Variants in HDGFL3 observed in about 807,000 individuals in gnomAD.
The protein encoded by HDGFL3 is hepatoma-derived growth factor-related protein 3.
Under a neutral mutation model 27.6 loss-of-function variants are expected in HDGFL3, and 6 were observed. That is an observed-to-expected ratio of 0.22 (90% confidence interval 0.12 to 0.43). The LOEUF (loss-of-function observed/expected upper bound fraction) is 0.43. HDGFL3 is among the 20% of genes least tolerant of loss of function. The probability of loss-of-function intolerance (pLI) is 1.00; values close to 1 mark genes in which losing one functional copy is unlikely to be tolerated. For missense variants in HDGFL3, 207 were observed against 250.1 expected (o/e 0.83, Z 1.16); for synonymous variants, 88 against 88.9 (o/e 0.99, Z 0.05).
chr15:83,115,842 T>G, intron 3 of HDGFL3: 5 of 1,610,074 alleles, frequency 3.1e-6, no homozygotes, highest in Non-Finnish European at 3.4e-6. Context: ...TTCTTTGCTC[T>G]AGTGTATGCA....
At chr15:83,200,311 C>T (rs58006707) in intron 1 of HDGFL3, among the ~76,000 whole-genome samples, 2 of 149,418 alleles carry the variant, frequency 1.3e-5, no homozygotes, top group African/African-American at 2.5e-5. Flanking sequence ...CTCCAGCCTT[C>T]ATGACAGAGC....
chr15:83,168,202 T>G (rs941968804), intron 1 of HDGFL3, among the ~76,000 whole-genome samples: 2 of 152,048 alleles, frequency 1.3e-5, no homozygotes, highest in African/African-American at 2.4e-5. Context: ...AACCTTAAAA[T>G]ACTAGAAAGA....
At chr15:83,201,748 G>C (rs550475731) in intron 1 of HDGFL3, among the ~76,000 whole-genome samples, 1 of 152,122 alleles carries the variant, frequency 6.6e-6, no homozygotes. Flanking sequence ...GATGTGCCAG[G>C]AATAGAGACT....
At chr15:83,121,548 T>C (rs1197842623) in intron 3 of HDGFL3, among the ~76,000 whole-genome samples, 3 of 152,228 alleles carry the variant, frequency 2.0e-5, no homozygotes, top group East Asian at 1.9e-4. Flanking sequence ...CTCATACTTA[T>C]AATGATTAAA....
At chr15:83,160,755 T>C (rs536126204) in intron 2 of HDGFL3, among the ~76,000 whole-genome samples, 23 of 152,296 alleles carry the variant, frequency 1.5e-4, no homozygotes, top group African/African-American at 5.3e-4. Flanking sequence ...CAGTTTACTA[T>C]TGATCTCTGT....
chr15:83,200,230 T>C (rs1347272417), intron 1 of HDGFL3, among the ~76,000 whole-genome samples: 1 of 149,872 alleles, frequency 6.7e-6, no homozygotes, highest in African/African-American at 2.5e-5. Flanking sequence ...CCTGTAGTCC[T>C]AGCTACTCGG....
At chr15:83,149,340 T>C (rs1381131568) in intron 5 of HDGFL3, among the ~76,000 whole-genome samples, 1 of 152,228 alleles carries the variant, frequency 6.6e-6, no homozygotes, top group Admixed American at 6.5e-5. Flanking sequence ...GAACAATGAA[T>C]CTACAATGCA....
At chr15:83,181,875 C>A (rs953497247) in intron 1 of HDGFL3, among the ~76,000 whole-genome samples, 12 of 152,190 alleles carry the variant, frequency 7.9e-5, no homozygotes, top group Non-Finnish European at 1.3e-4. Flanking sequence ...AAGCTATTGT[C>A]CACATAGATT....
intron 5 of HDGFL3, among the ~76,000 whole-genome samples, chr15:83,146,722 G>A (rs915681505): frequency 3.9e-5 from 6 of 152,116 alleles, no homozygotes; most frequent in Admixed American, 3.3e-4. Context: ...CAACCATTGT[G>A]ACCCCTCTCA....
intron 1 of HDGFL3, among the ~76,000 whole-genome samples, chr15:83,167,562 GA>G (rs76337560): frequency 0.3 from 30,063 of 99,148 alleles, 3,162 homozygotes; most frequent in African/African-American, 0.34. Context: ...TCCATCTCAA[GA>G]AAAAAAAAAA....
rs972449463 is a variant in HDGFL3, at chr15:83,134,224, C to CT, written c.*5045dup. The CT allele has an allele frequency of 8.0e-3, 1,153 of 144,800 alleles. 16 individuals are homozygous for CT. Among genetic ancestry groups the CT allele is most frequent in the African/African-American group, 0.026 (1,044 of 39,698 alleles). 9.0% of individuals were successfully genotyped at this position (144,800 alleles called of 1,614,324 possible). ...TACAATCTAATCTAAGGACATGAAT[C>CT]TTTTTTTTTTTTTAAAGACAGAGTC... On this transcript the variant is annotated 3_prime_UTR_variant, in exon 6 of 6. Coordinates refer to ENST00000299633, the MANE Select transcript of HDGFL3 (RefSeq NM_016073.4).
At chr15:83,190,225 AG>A (rs1234188057) in intron 1 of HDGFL3, among the ~76,000 whole-genome samples, 57 of 143,002 alleles carry the variant, frequency 4.0e-4, no homozygotes, top group African/African-American at 1.5e-3. Context: ...AAAAAAAAAA[AG>A]CTTGCTCATT....
chr15:83,131,720 C>G lies in HDGFL3; in HGVS notation c.*7550G>C, dbSNP rs1401654409. ...TGCCAAATCTGCTGCCTTCAGAAAT[C>G]AAAAGATCAAGGAAAGAGTAAAAGA... On this transcript the variant is annotated 3_prime_UTR_variant, in exon 6 of 6. Transcript: ENST00000299633. The G allele has an allele frequency of 6.6e-6, 1 of 152,146 alleles. No homozygotes were observed. The highest frequency in any genetic ancestry group is 1.5e-5 in the Non-Finnish European group (1 of 68,034). The allele number at this position is 152,146 out of a possible 1,614,324, so 9.4% of individuals were successfully genotyped here.
intron 2 of HDGFL3, among the ~76,000 whole-genome samples, chr15:83,160,851 G>T (rs1455631465): frequency 6.6e-6 from 1 of 152,094 alleles, no homozygotes; most frequent in Non-Finnish European, 1.5e-5. Context: ...AAACTCCTGG[G>T]TAAGCTTTCT....
chr15:83,169,170 CA>C, intron 1 of HDGFL3: 1 of 436,358 alleles, frequency 2.3e-6, no homozygotes, highest in Admixed American at 2.5e-5. Context: ...ACCAAACAGG[CA>C]AAAACTGGAA....
intron 5 of HDGFL3, among the ~76,000 whole-genome samples, chr15:83,146,440 A>G (rs1045989089): frequency 1.3e-5 from 2 of 152,156 alleles, no homozygotes; most frequent in Non-Finnish European, 2.9e-5. Context: ...CAACCTTTCC[A>G]TGATTCTATT....
chr15:83,197,508 A>G (rs1370185524), intron 1 of HDGFL3, among the ~76,000 whole-genome samples: 3 of 152,210 alleles, frequency 2.0e-5, no homozygotes, highest in Non-Finnish European at 4.4e-5. Context: ...AATAATTAAA[A>G]AGGAAATACA....
intron 2 of HDGFL3, 157 bp downstream of exon 2, chr15:83,163,842 A>C (rs146002307): frequency 1.9e-5 from 11 of 588,612 alleles, no homozygotes; most frequent in African/African-American, 1.5e-4. Flanking sequence ...CTATCATGAA[A>C]ACTATTTACA....
At chr15:83,149,694 G>A (rs1195682650) in intron 5 of HDGFL3, among the ~76,000 whole-genome samples, 1 of 152,174 alleles carries the variant, frequency 6.6e-6, no homozygotes, top group African/African-American at 2.4e-5. Flanking sequence ...AAGTCATCAG[G>A]AGGAGGAGAG....
Sources: gnomAD v4.1 joint callset for allele counts (sites outside exome capture counted in the v4.1 genomes callset) on GRCh38, gnomAD v4.1.1 for gene constraint, MANE v1.5 for transcripts, NCBI Gene and HGNC (gene_info 2026-07-23, HGNC 2026-07-21) for gene names.